NOS1: variants seen among roughly 807,000 people sequenced by gnomAD.
NOS1 encodes the protein NOS type I.
NOS1 carries 51 observed loss-of-function variants against 164.5 expected under a neutral mutation model. That is an observed-to-expected ratio of 0.31 (90% confidence interval 0.25 to 0.39). The LOEUF is 0.39. NOS1 is among the 10% of genes least tolerant of loss of function. The pLI is 1.00. For missense variants in NOS1, 1,362 were observed against 1,885.6 expected (o/e 0.72, Z 5.14); for synonymous variants, 719 against 745.8 (o/e 0.96, Z 0.59).
intron 3 of NOS1, among the ~76,000 whole-genome samples, chr12:117,307,594 T>C (rs1488672843): frequency 6.6e-6 from 1 of 152,124 alleles, no homozygotes; most frequent in East Asian, 1.9e-4. Context: ...CTTAAATTCC[T>C]AGGCTCAAGC....
intron 28 of NOS1, among the ~76,000 whole-genome samples, chr12:117,217,265 C>A (rs1233897241): frequency 6.6e-6 from 1 of 152,180 alleles, no homozygotes; most frequent in South Asian, 2.1e-4. Context: ...CAGACCTCCA[C>A]CTAGCTCCAG....
chr12:117,260,406 C>G (rs974562250), intron 14 of NOS1, 59 bp downstream of exon 14: 1 of 1,590,116 alleles, frequency 6.3e-7, no homozygotes, highest in African/African-American at 1.3e-5. Context: ...TCCCTCTCTC[C>G]CCTTCCTGCC....
intron 28 of NOS1, among the ~76,000 whole-genome samples, chr12:117,216,184 A>ATTTTTTT (rs35267348): frequency 2.5e-4 from 32 of 125,720 alleles, no homozygotes; most frequent in African/African-American, 8.8e-4. Context: ...GTCAAAAGGG[A>ATTTTTTT]TTTTTTTTTT....
intron 1 of NOS1, among the ~76,000 whole-genome samples, chr12:117,357,079 T>C (rs1876886278): frequency 6.6e-6 from 1 of 152,084 alleles, no homozygotes; most frequent in Non-Finnish European, 1.5e-5. Context: ...TCCCAGGACT[T>C]AAGGAGGCCA....
At position 117,211,113 on chromosome 12, in the gene NOS1, T is replaced by C; in HGVS notation, c.*4196A>G. On this transcript the variant is annotated 3_prime_UTR_variant, in exon 29 of 29. Transcript: ENST00000317775. ...CTGAGACTACAGGCGCATGCCACCA[T>C]GCCCAGCTAATTTTTGTATTTTCTT... 1.7e-6 allele frequency: 1 copy of C among 577,998 alleles called. No individual in the cohort carries two copies. The highest frequency in any genetic ancestry group is 2.2e-6 in the Non-Finnish European group (1 of 457,910). 35.8% of individuals were successfully genotyped at this position (577,998 alleles called of 1,614,324 possible). A position where few individuals can be genotyped will look rare whatever the true frequency, so the allele number is the denominator to read the frequency against.
intron 12 of NOS1, among the ~76,000 whole-genome samples, chr12:117,264,521 CCTTT>C (rs980772025): frequency 4.1e-5 from 6 of 147,636 alleles, no homozygotes; most frequent in Non-Finnish European, 6.0e-5. Context: ...TCCCTTCCTT[CCTTT>C]CCTTCCTTCC....
chr12:117,296,034 T>G (rs979608573), intron 3 of NOS1, among the ~76,000 whole-genome samples: 3 of 152,136 alleles, frequency 2.0e-5, no homozygotes. Flanking sequence ...GTGGTCATCA[T>G]GAGCATATAT....
At chr12:117,295,119 T>C (rs927376523) in intron 3 of NOS1, among the ~76,000 whole-genome samples, 6 of 152,146 alleles carry the variant, frequency 3.9e-5, no homozygotes, top group African/African-American at 1.4e-4. Context: ...GCACCTACTA[T>C]ATTTTGGGGA....
At chr12:117,229,603 T>TCTATCTAC (rs1343060795) in intron 22 of NOS1, among the ~76,000 whole-genome samples, 1 of 148,550 alleles carries the variant, frequency 6.7e-6, no homozygotes, top group Non-Finnish European at 1.5e-5. Context: ...TATCTATCTA[T>TCTATCTAC]CTGGAGACAG....
In NOS1 at chr12:117,311,587, A is replaced by G. The variant is rs1874437763; in HGVS notation, c.731T>C (p.Leu244Ser). The G allele has an allele frequency of 6.2e-7, 1 of 1,610,270 alleles. No homozygotes were observed. Among genetic ancestry groups the G allele is most frequent in the Non-Finnish European group, 8.5e-7 (1 of 1,178,014 alleles). The change falls in exon 3 of 29, where the codon TTG becomes TCG. Residue 244 changes from leucine (L) to serine (S), a missense_variant. By Grantham distance (145) the Leu-to-Ser change is moderately radical. Coordinates refer to ENST00000317775, the MANE Select transcript of NOS1 (RefSeq NM_000620.5). Reference protein sequence around the residue: ...KDMGIQVDRDLDGKSHKPLPL... With the variant: ...KDMGIQVDRDSDGKSHKPLPL... ...CAGAGGTTTGTGTGACTTGCCGTCC[A>G]AATCTCTGAAAGGCAAGGTGGGGCA...
intron 3 of NOS1, among the ~76,000 whole-genome samples, chr12:117,297,540 T>C (rs1873502573): frequency 6.6e-6 from 1 of 152,126 alleles, no homozygotes; most frequent in African/African-American, 2.4e-5. Context: ...TACAGGCATG[T>C]GCCACCATGC....
chr12:117,359,933 T>TATATATA (rs1877056584), intron 1 of NOS1, among the ~76,000 whole-genome samples: 1 of 102,026 alleles, frequency 9.8e-6, no homozygotes, highest in Non-Finnish European at 2.0e-5. Context: ...TATATATATA[T>TATATATA]ATCAGCAACA....
rs2135905953 is a variant in NOS1 at position 117,209,249 on chromosome 12, CTGATGACA to C, written c.*6052_*6059del. 2.0e-6 allele frequency: 2 copies of C among 980,408 alleles called. No homozygotes were observed. Among genetic ancestry groups the C allele is most frequent in the South Asian group, 4.7e-5 (1 of 21,210 alleles). 60.7% of individuals were successfully genotyped at this position (980,408 alleles called of 1,614,324 possible). ...GCCCCCTGGGGACATTGGGCAATGT[CTGATGACA>C]TACTTGATTGTTACCGTTGGCAGGA... is the stretch of plus-strand genomic sequence containing the variant. On this transcript the variant is annotated 3_prime_UTR_variant, in exon 29 of 29. Coordinates refer to ENST00000317775, the MANE Select transcript of NOS1 (RefSeq NM_000620.5).
intron 3 of NOS1, among the ~76,000 whole-genome samples, chr12:117,298,828 T>G (rs1873601193): frequency 6.6e-6 from 1 of 152,246 alleles, no homozygotes; most frequent in Non-Finnish European, 1.5e-5. Context: ...TCCATTCTGC[T>G]GTTTAAGCCA....
In NOS1 at chr12:117,262,773, TTG is replaced by T. The variant is rs1477399193; in HGVS notation, c.2222+1114_2222+1115del. Reference sequence around the variant, plus strand: ...GTGGATCAGTGGGGTTCTCTTTTTTTTGGGGCAGAAGGCTGGCATCCCCGTTA... The same window carrying T: ...GTGGATCAGTGGGGTTCTCTTTTTTTGGGCAGAAGGCTGGCATCCCCGTTA... On this transcript the variant is annotated intron_variant, in intron 13 of 28. Transcript: ENST00000317775. Among the ~76,000 whole-genome samples, 6 of 145,092 alleles carry T rather than the reference TTG, an allele frequency of 4.1e-5. No individual in the cohort carries two copies. In the East Asian group the frequency reaches 8.2e-4, roughly 20 times the overall value.
At chr12:117,291,841 T>G (rs1252953415) in intron 3 of NOS1, among the ~76,000 whole-genome samples, 1 of 152,052 alleles carries the variant, frequency 6.6e-6, no homozygotes, top group Non-Finnish European at 1.5e-5. Flanking sequence ...TGGCCTAGGA[T>G]CACATCTGTC....
At chr12:117,259,641 C>T (rs745560436) in intron 14 of NOS1, among the ~76,000 whole-genome samples, 18 of 152,258 alleles carry the variant, frequency 1.2e-4, no homozygotes, top group African/African-American at 3.6e-4. Flanking sequence ...GTCTCATCAT[C>T]GTCTGAGCAA....
chr12:117,338,143 G>C (rs533386923), intron 1 of NOS1, among the ~76,000 whole-genome samples: 1 of 152,232 alleles, frequency 6.6e-6, no homozygotes, highest in South Asian at 2.1e-4. Flanking sequence ...CTTGAACCTG[G>C]GAGGCGGAGG....
intron 11 of NOS1, among the ~76,000 whole-genome samples, chr12:117,267,206 G>A (rs761252011): frequency 1.3e-5 from 2 of 152,188 alleles, no homozygotes; most frequent in Admixed American, 6.5e-5. Flanking sequence ...GCAACTTCTA[G>A]TTTCTAGATC....
Sources: allele counts gnomAD v4.1 joint callset (sites outside exome capture counted in the v4.1 genomes callset), GRCh38; gene constraint gnomAD v4.1.1; transcripts MANE v1.5; gene names NCBI Gene and HGNC (gene_info 2026-07-23, HGNC 2026-07-21).